SHOX: variants seen among roughly 807,000 people sequenced by gnomAD.
SHOX encodes SHOX homeobox.
Under a neutral mutation model 29.6 loss-of-function variants are expected in SHOX, and 12 were observed. That is an observed-to-expected ratio of 0.41 (90% CI 0.26 to 0.66). The LOEUF (loss-of-function observed/expected upper bound fraction) is 0.66, where lower values mean the gene tolerates loss of function less well. Ranked by LOEUF, SHOX falls within the 30% of genes least tolerant of loss-of-function variation. SHOX has a pLI of 0.35. For missense variants in SHOX, 499 were observed against 437.7 expected (o/e 1.14, Z -1.25); for synonymous variants, 214 against 200.6 (o/e 1.07, Z -0.57).
intron 1 of SHOX, among the ~76,000 whole-genome samples, chrX:634,316 C>T (rs1212893465): frequency 2.0e-5 from 3 of 148,596 alleles, no homozygotes; most frequent in South Asian, 2.2e-4. Flanking sequence ...ATTTGACACC[C>T]CACTCTCCTT....
In SHOX at chrX:645,976, C is replaced by T. The variant is rs1393825973; in HGVS notation, c.*1340C>T. The T allele has an allele frequency of 6.6e-6, 1 of 152,042 alleles. No homozygotes were observed. The highest frequency in any genetic ancestry group is 2.4e-5 in the African/African-American group (1 of 41,392). The allele number at this position is 152,042 out of a possible 1,614,324, so 9.4% of individuals were successfully genotyped here. A position where few individuals can be genotyped will look rare whatever the true frequency, so the allele number is the denominator to read the frequency against. ...CAGTGGCGCAATGTCAGCTCACTGC[C>T]ACCTCCGCCTCCCGGGTTCAAGCGA... is the stretch of plus-strand genomic sequence containing the variant. On this transcript the variant is annotated 3_prime_UTR_variant, in exon 5 of 5. Transcript: ENST00000686671.
At chrX:658,279 G>A (rs1450572858) in intron 5 of SHOX, among the ~76,000 whole-genome samples, 1 of 151,380 alleles carries the variant, frequency 6.6e-6, no homozygotes, top group Non-Finnish European at 1.5e-5. Flanking sequence ...CCGGCCCCAG[G>A]TGGTCTTTTT....
At position 641,064 on chromosome X, in the gene SHOX, G is replaced by T; in HGVS notation, c.610G>T (p.Ala204Ser). 2 of 1,613,854 alleles carry T rather than the reference G, an allele frequency of 1.2e-6. No individual in the cohort carries two copies. Among genetic ancestry groups the T allele is most frequent in the South Asian group, 2.2e-5 (2 of 91,048 alleles). The stretch of plus-strand genomic sequence containing the variant: ...AGTGGCACCCTACGTCAACATGGGA[G>T]CCTTACGGATGCCTTTCCAACAGGT... ...CRVAPYVNMGALRMPFQQVQA... is the reference protein window; with the variant it reads ...CRVAPYVNMGSLRMPFQQVQA... The change falls in exon 4 of 5, where the codon GCC becomes TCC. Residue 204 changes from alanine to serine, a missense_variant. By Grantham distance (99) the Ala-to-Ser change is moderately conservative. Coordinates refer to ENST00000686671, the MANE Select transcript of SHOX (RefSeq NM_000451.4).
chrX:649,039 C>G lies in SHOX; in HGVS notation c.*4403C>G, dbSNP rs1016544220. ...TCTTTCTTTTTCTTTCTTTCTTTTT[C>G]TTTCTTCTTTCTTTCTTCGATGAAG... is the stretch of plus-strand genomic sequence containing the variant. On this transcript the variant is annotated 3_prime_UTR_variant, in exon 5 of 5. Coordinates refer to ENST00000686671, the MANE Select transcript of SHOX (RefSeq NM_000451.4). 1.7e-5 allele frequency among the ~76,000 whole-genome samples: 1 copy of G among 59,074 alleles called. No individual in the cohort carries two copies. The highest frequency in any genetic ancestry group is 5.1e-5 in the African/African-American group (1 of 19,566). 38.8% of individuals were successfully genotyped at this position (59,074 alleles called of 152,430 possible). A position where few individuals can be genotyped will look rare whatever the true frequency, so the allele number is the denominator to read the frequency against.
At chrX:640,742 C>A (rs2052838928) in intron 2 of SHOX, 79 bp from the exon 3 acceptor site, 2 of 1,532,212 alleles carry the variant, frequency 1.3e-6, no homozygotes, top group Non-Finnish European at 1.8e-6. Context: ...CTTGGTTCAG[C>A]CTCATGGGAA....
At chrX:635,738 G>A (rs986135144) in intron 2 of SHOX, among the ~76,000 whole-genome samples, 10 of 152,162 alleles carry the variant, frequency 6.6e-5, no homozygotes, top group African/African-American at 1.9e-4. Context: ...TTTCAGGGGT[G>A]CTGCTGGGAG....
intron 1 of SHOX, among the ~76,000 whole-genome samples, chrX:632,432 C>A (rs1355312183): frequency 4.6e-5 from 7 of 152,148 alleles, no homozygotes; most frequent in South Asian, 4.1e-4. Context: ...CGGCTATGGA[C>A]GCCTGTTATG....
chrX:638,582 G>C (rs1482075780), intron 2 of SHOX, among the ~76,000 whole-genome samples: 2 of 152,218 alleles, frequency 1.3e-5, no homozygotes, highest in African/African-American at 4.8e-5. Flanking sequence ...AGGTTCTCCA[G>C]GCGCACTGCA....
intron 2 of SHOX, among the ~76,000 whole-genome samples, chrX:640,339 C>T (rs1446903016): frequency 8.8e-5 from 13 of 148,210 alleles, no homozygotes; most frequent in East Asian, 6.0e-4. Context: ...AGCAAGACTC[C>T]GTCTCAAAAA....
intron 2 of SHOX, among the ~76,000 whole-genome samples, chrX:635,170 G>T (rs1253974014): frequency 6.6e-6 from 1 of 151,932 alleles, no homozygotes; most frequent in Non-Finnish European, 1.5e-5. Context: ...CCATATATTG[G>T]CTCCTGACTG....
upstream of SHOX, chrX:630,545 C>A (rs753229661): frequency 3.0e-5 from 13 of 435,272 alleles, no homozygotes; most frequent in East Asian, 1.3e-4. Flanking sequence ...CCTGCGCCCC[C>A]CTCCTGCGCG....
intron 2 of SHOX, among the ~76,000 whole-genome samples, chrX:637,899 T>C (rs1355947602): frequency 6.6e-6 from 1 of 152,182 alleles, no homozygotes; most frequent in Non-Finnish European, 1.5e-5. Flanking sequence ...ACCTTTTATT[T>C]TTAGCGTGGC....
chrX:650,950 G>C lies in SHOX; in HGVS notation c.*6314G>C, dbSNP rs2053051013. The stretch of plus-strand genomic sequence containing the variant: ...GATATTTAATGAGAAGCCGGTTAAG[G>C]AATGTAGACAATATCCCGTTTCAAA... On this transcript the variant is annotated 3_prime_UTR_variant, in exon 5 of 5. Transcript: ENST00000686671. 6.6e-6 allele frequency among the ~76,000 whole-genome samples: 1 copy of C among 152,042 alleles called. No individual in the cohort carries two copies. The highest frequency in any genetic ancestry group is 6.6e-5 in the Admixed American group (1 of 15,250).
chrX:642,080 C>G (rs141002191), intron 4 of SHOX, among the ~76,000 whole-genome samples: 4,262 of 152,280 alleles, frequency 0.028, 172 homozygotes, highest in African/African-American at 0.095. Flanking sequence ...GGAGCCCAAG[C>G]TTCCCAAGGG....
chrX:644,366 C>A, intron 4 of SHOX, 25 bp from the exon 5 acceptor site: 2 of 1,514,610 alleles, frequency 1.3e-6, no homozygotes, highest in African/African-American at 1.4e-5. Context: ...CCTGCGCCCT[C>A]ACCCCGCCGG....
rs1432025007 is a variant in SHOX at position 647,226 on chromosome X, G to A, written c.*2590G>A. On this transcript the variant is annotated 3_prime_UTR_variant, in exon 5 of 5. Transcript: ENST00000686671. ...CGAGTAGCTGGGATTACAGGCACCT[G>A]CCACCAGGCCTGGGTAACTTTCTGG... 1.3e-5 allele frequency among the ~76,000 whole-genome samples: 2 copies of A among 151,746 alleles called. No individual in the cohort carries two copies. Among genetic ancestry groups the A allele is most frequent in the South Asian group, 2.1e-4 (1 of 4,784 alleles).
chrX:626,878 C>T (rs189413904), upstream of SHOX, among the ~76,000 whole-genome samples: 904 of 150,640 alleles, frequency 6.0e-3, 13 homozygotes, highest in African/African-American at 0.021. Context: ...CTCTTTGTCT[C>T]TCTCCTCTCT....
intron 4 of SHOX, 44 bp from the exon 5 acceptor site, chrX:644,347 A>C: frequency 4.7e-6 from 7 of 1,503,516 alleles, no homozygotes; most frequent in Non-Finnish European, 6.2e-6. Context: ...CAGGCCCCCC[A>C]GTCCCCATCC....
chrX:627,726 G>A (rs1201550393), upstream of SHOX, among the ~76,000 whole-genome samples: 3 of 152,136 alleles, frequency 2.0e-5, no homozygotes, highest in Non-Finnish European at 4.4e-5. Context: ...GGACACCCTG[G>A]TAGAGCGGAG....
Sources: allele counts gnomAD v4.1 joint callset (sites outside exome capture counted in the v4.1 genomes callset), GRCh38; gene constraint gnomAD v4.1.1; transcripts MANE v1.5; gene names NCBI Gene and HGNC (gene_info 2026-07-23, HGNC 2026-07-21).